The following CNTNAP5 variants were observed in gnomAD, a reference collection of about 807,000 sequenced individuals.
The protein encoded by CNTNAP5 is contactin associated protein family member 5, also known as contactin-associated protein-like 5.
A neutral mutation model predicts 150.2 loss-of-function variants in CNTNAP5; 72 were observed. The observed-to-expected ratio is 0.48, with a 90% CI of 0.40 to 0.58. The LOEUF (loss-of-function observed/expected upper bound fraction) is 0.58, where lower values mean the gene tolerates loss of function less well. CNTNAP5 is among the 20% of genes least tolerant of loss of function. The probability of loss-of-function intolerance (pLI) is 0.00; values close to 1 mark genes in which losing one functional copy is unlikely to be tolerated. For synonymous variants in CNTNAP5, 672 were observed against 619.8 expected (o/e 1.08, Z -1.25); for missense variants, 1,636 against 1,626.2 (o/e 1.01, Z -0.10).
intron 6 of CNTNAP5, among the ~76,000 whole-genome samples, chr2:124,460,879 A>G (rs1002596005): frequency 3.3e-5 from 5 of 152,194 alleles, no homozygotes; most frequent in Non-Finnish European, 7.3e-5. Flanking sequence ...TTTCCTTTGG[A>G]AATTCAGTTG....
At chr2:124,116,016 T>C (rs1249904009) in intron 1 of CNTNAP5, among the ~76,000 whole-genome samples, 1 of 152,184 alleles carries the variant, frequency 6.6e-6, no homozygotes, top group Non-Finnish European at 1.5e-5. Flanking sequence ...TCAGTCAATG[T>C]TAATTTCTTT....
intron 6 of CNTNAP5, among the ~76,000 whole-genome samples, chr2:124,469,910 T>G (rs1014277024): frequency 1.3e-5 from 2 of 152,162 alleles, no homozygotes; most frequent in African/African-American, 4.8e-5. Flanking sequence ...TGATCTCATT[T>G]CTTTTTATGG....
chr2:124,599,848 T>C (rs1314223855), intron 11 of CNTNAP5, among the ~76,000 whole-genome samples: 1 of 152,104 alleles, frequency 6.6e-6, no homozygotes, highest in Non-Finnish European at 1.5e-5. Flanking sequence ...GGGAGCTCCT[T>C]AAATACTTTT....
chr2:124,696,282 G>T (rs936662041), intron 13 of CNTNAP5, among the ~76,000 whole-genome samples: 1 of 152,134 alleles, frequency 6.6e-6, no homozygotes, highest in Non-Finnish European at 1.5e-5. Flanking sequence ...AAAGAGGCAG[G>T]AAACAATGCA....
intron 1 of CNTNAP5, among the ~76,000 whole-genome samples, chr2:124,091,486 T>G (rs990894682): frequency 6.6e-6 from 1 of 152,136 alleles, no homozygotes; most frequent in Non-Finnish European, 1.5e-5. Flanking sequence ...CACTTATTAG[T>G]TTTTATCACT....
chr2:124,730,346 G>GATAT (rs139189466), intron 13 of CNTNAP5, among the ~76,000 whole-genome samples: 2,747 of 146,978 alleles, frequency 0.019, 80 homozygotes, highest in African/African-American at 0.057. Context: ...CATGTGTACA[G>GATAT]ATATATATAT....
chr2:124,048,099 T>C (rs1573716610), intron 1 of CNTNAP5, among the ~76,000 whole-genome samples: 1 of 152,336 alleles, frequency 6.6e-6, no homozygotes, highest in East Asian at 1.9e-4. Flanking sequence ...TTCTGCCTGT[T>C]TTACTAGTAT....
intron 1 of CNTNAP5, among the ~76,000 whole-genome samples, chr2:124,221,208 C>T (rs890599088): frequency 6.6e-6 from 1 of 152,136 alleles, no homozygotes; most frequent in Non-Finnish European, 1.5e-5. Context: ...TTTCACACAA[C>T]TGGGAATAAG....
At chr2:124,603,815 ACATACATG>A (rs1459401488) in intron 11 of CNTNAP5, among the ~76,000 whole-genome samples, 1 of 152,230 alleles carries the variant, frequency 6.6e-6, no homozygotes, top group Admixed American at 6.5e-5. Context: ...ATACCTACAT[ACATACATG>A]CATACATATA....
intron 19 of CNTNAP5, among the ~76,000 whole-genome samples, chr2:124,806,312 A>T (rs1462233533): frequency 1.3e-5 from 2 of 152,232 alleles, no homozygotes; most frequent in Non-Finnish European, 2.9e-5. Context: ...TTATAGGATG[A>T]CAGTGGGGCC....
intron 3 of CNTNAP5, among the ~76,000 whole-genome samples, chr2:124,323,729 A>G (rs960866175): frequency 2.0e-5 from 3 of 152,154 alleles, no homozygotes; most frequent in Admixed American, 6.5e-5. Context: ...TAACTAGACC[A>G]TGTTGGCAGC....
At chr2:124,381,849 C>T (rs1259529776) in intron 3 of CNTNAP5, among the ~76,000 whole-genome samples, 1 of 151,872 alleles carries the variant, frequency 6.6e-6, no homozygotes, top group Non-Finnish European at 1.5e-5. Context: ...GAGAATGGGA[C>T]ACACGACAGA....
intron 21 of CNTNAP5, among the ~76,000 whole-genome samples, chr2:124,871,270 A>G (rs1677741079): frequency 1.6e-5 from 2 of 125,818 alleles, no homozygotes; most frequent in African/African-American, 1.2e-4. Context: ...ATACATATAC[A>G]TATTTACTTA....
chr2:124,408,825 G>A (rs1468826981), intron 3 of CNTNAP5, among the ~76,000 whole-genome samples: 1 of 152,184 alleles, frequency 6.6e-6, no homozygotes, highest in African/African-American at 2.4e-5. Context: ...AAAATGCAGA[G>A]CTCCTCTCCT....
intron 21 of CNTNAP5, among the ~76,000 whole-genome samples, chr2:124,884,578 T>C (rs1247578782): frequency 6.6e-6 from 1 of 152,072 alleles, no homozygotes; most frequent in Non-Finnish European, 1.5e-5. Flanking sequence ...GGGCCTTTAG[T>C]TAGATAACTC....
At chr2:124,461,563 A>G (rs1452900739) in intron 6 of CNTNAP5, among the ~76,000 whole-genome samples, 1 of 150,934 alleles carries the variant, frequency 6.6e-6, no homozygotes, top group Admixed American at 6.6e-5. Context: ...GCATTAGGAG[A>G]TATACCTAAT....
chr2:124,736,098 C>A (rs554070025), intron 13 of CNTNAP5, among the ~76,000 whole-genome samples: 1 of 152,024 alleles, frequency 6.6e-6, no homozygotes, highest in East Asian at 1.9e-4. Flanking sequence ...GGCATGATGA[C>A]GGGTGCCTGT....
intron 21 of CNTNAP5, among the ~76,000 whole-genome samples, chr2:124,893,913 T>C (rs966723762): frequency 9.9e-5 from 15 of 152,136 alleles, no homozygotes; most frequent in Non-Finnish European, 1.8e-4. Flanking sequence ...TTCATAAAAA[T>C]GTATATGATA....
At chr2:124,063,809 T>C (rs576564539) in intron 1 of CNTNAP5, among the ~76,000 whole-genome samples, 6 of 152,176 alleles carry the variant, frequency 3.9e-5, no homozygotes, top group African/African-American at 1.4e-4. Flanking sequence ...GGAATAAAGG[T>C]GGGCACAGGA....
Sources: allele counts gnomAD v4.1 joint callset (sites outside exome capture counted in the v4.1 genomes callset), GRCh38; gene constraint gnomAD v4.1.1; transcripts MANE v1.5; gene names NCBI Gene and HGNC (gene_info 2026-07-23, HGNC 2026-07-21).